HNRNPD: variants seen among roughly 807,000 people sequenced by gnomAD.
HNRNPD encodes heterogeneous nuclear ribonucleoprotein D, also known as heterogeneous nuclear ribonucleoprotein D0.
Under a neutral mutation model 47.9 loss-of-function variants are expected in HNRNPD, and 3 were observed. The observed-to-expected ratio is 0.06, with a 90% CI of 0.03 to 0.16. The LOEUF (loss-of-function observed/expected upper bound fraction) is 0.16, where lower values mean the gene tolerates loss of function less well. HNRNPD is among the 10% of genes least tolerant of loss of function. The pLI is 1.00. For missense variants in HNRNPD, 287 were observed against 454.2 expected, an observed-to-expected ratio of 0.63 and a Z score of 3.35; for synonymous variants, 171 against 165.1, an observed-to-expected ratio of 1.04 and a Z score of -0.28.
Position 82,353,374 on chromosome 4 carries a change from T to A in HNRNPD, c.*811A>T, listed in dbSNP as rs1560431706. 6.6e-6 allele frequency: 1 copy of A among 152,330 alleles called. No homozygotes were observed. The highest frequency in any genetic ancestry group is 6.5e-5 in the Admixed American group (1 of 15,300). The allele number at this position is 152,330 out of a possible 1,614,324, so 9.4% of individuals were successfully genotyped here. On this transcript the variant is annotated 3_prime_UTR_variant, in exon 9 of 9. Transcript: ENST00000313899. ...AATCCTCCCTCAACACTTGAATTCA[T>A]CTATGAAGTCCACCACAGCTCTAAA...
At chr4:82,355,203 G>T in intron 8 of HNRNPD, 101 bp downstream of exon 8, 1 of 705,800 alleles carries the variant, frequency 1.4e-6, no homozygotes. Context: ...AAGCACTTCT[G>T]GGTGCTGTGA....
chr4:82,367,044 T>C lies in HNRNPD; in HGVS notation c.290+4484A>G, dbSNP rs1204982842. Reference sequence around the variant, plus strand: ...CACTAGCCTTTTTTTTTTTTTTTTTTTTAAAGAAACAGGGGTCATATTATG... The same window carrying C: ...CACTAGCCTTTTTTTTTTTTTTTTTCTTAAAGAAACAGGGGTCATATTATG... On this transcript the variant is annotated intron_variant, in intron 2 of 8. Coordinates refer to ENST00000313899, the MANE Select transcript of HNRNPD (RefSeq NM_031370.3). Among the ~76,000 whole-genome samples, 3 of 141,818 alleles carry C rather than the reference T, an allele frequency of 2.1e-5. No individual in the cohort carries two copies. In the East Asian group the frequency reaches 5.9e-4, roughly 28 times the overall value. 93.0% of individuals were successfully genotyped at this position (141,818 alleles called of 152,430 possible).
At chr4:82,368,728 A>C (rs1251881695) in intron 2 of HNRNPD, among the ~76,000 whole-genome samples, 6 of 152,248 alleles carry the variant, frequency 3.9e-5, no homozygotes, top group African/African-American at 1.4e-4. Context: ...AAAGGCCAGT[A>C]AATTTGGCAT....
intron 1 of HNRNPD, among the ~76,000 whole-genome samples, chr4:82,372,138 A>G (rs1309873805): frequency 6.6e-6 from 1 of 151,744 alleles, no homozygotes; most frequent in Non-Finnish European, 1.5e-5. Flanking sequence ...TTCTCTTTAC[A>G]GTTAAAAAAA....
chr4:82,372,648 G>C (rs1360912721), intron 1 of HNRNPD, among the ~76,000 whole-genome samples: 1 of 152,182 alleles, frequency 6.6e-6, no homozygotes, highest in Non-Finnish European at 1.5e-5. Context: ...AACTCAGTGG[G>C]GTGGGGGAAG....
At chr4:82,364,831 T>C (rs762818177) in intron 2 of HNRNPD, among the ~76,000 whole-genome samples, 2 of 152,046 alleles carry the variant, frequency 1.3e-5, no homozygotes, top group African/African-American at 2.4e-5. Context: ...TGGTGGAAAA[T>C]GTTCCGATTT....
chr4:82,356,837 G>C lies in HNRNPD; in HGVS notation c.812C>G (p.Ser271Cys), dbSNP rs1316611998. Residue 271 changes from serine (S) to cysteine (C), a missense_variant, in exon 6 of 9, where the codon TCT (serine) becomes TGT (cysteine). Transcript: ENST00000313899. ...EQYQQQQQWG[S>C]RGGFAGRARG... ...AGCTCTTCCTGCAAATCCTCCTCTA[G>C]ATCCCCACTGTTGCTGTTGCTGATA... The C allele has an allele frequency of 1.2e-6, 2 of 1,613,980 alleles. No individual in the cohort carries two copies. The highest frequency in any genetic ancestry group is 2.7e-5 in the African/African-American group (2 of 74,918).
intron 2 of HNRNPD, among the ~76,000 whole-genome samples, chr4:82,366,841 G>A (rs1328018124): frequency 6.6e-6 from 1 of 152,070 alleles, no homozygotes; most frequent in Non-Finnish European, 1.5e-5. Flanking sequence ...GATTACAGGT[G>A]TGAGCCACTA....
rs770253877 is a variant in HNRNPD, at chr4:82,356,551, T to C, written c.986A>G (p.Tyr329Cys). 6.2e-7 allele frequency: 1 copy of C among 1,608,156 alleles called. No individual in the cohort carries two copies. Residue 329 changes from tyrosine (Y) to cysteine (C), a missense_variant, in exon 7 of 9, where the codon TAT (tyrosine) becomes TGT (cysteine). Around this residue, in one of 5 missense-constraint regions of HNRNPD, gnomAD observed 65 missense variants for 107.1 expected, o/e 0.61. Transcript: ENST00000313899. ...DYTGYNNYYGYGDYSNQQSGY... is the reference protein window; with the variant it reads ...DYTGYNNYYGCGDYSNQQSGY... ...ATAGTACTTACTGCTATAATCACCA[T>C]ATCCATAGTAGTTGTTGTAACCAGT...
intron 1 of HNRNPD, among the ~76,000 whole-genome samples, chr4:82,372,365 G>A (rs536417721): frequency 2.6e-5 from 4 of 152,140 alleles, no homozygotes; most frequent in East Asian, 1.9e-4. Flanking sequence ...TCAATTGGAG[G>A]AAGCAAGTTA....
rs891342161 is a variant in HNRNPD, at chr4:82,352,925, A to G, written c.*1260T>C. ...CATCACTTCACTACTATAGAACTGT[A>G]TAATAATACATTTCTCATTTGTTAC... On this transcript the variant is annotated 3_prime_UTR_variant, in exon 9 of 9. Transcript: ENST00000313899. The G allele has an allele frequency of 6.6e-6, 1 of 152,350 alleles. No homozygotes were observed. Among genetic ancestry groups the G allele is most frequent in the South Asian group, 2.1e-4 (1 of 4,826 alleles). The allele number at this position is 152,350 out of a possible 1,614,324, so 9.4% of individuals were successfully genotyped here.
rs1053386869 is a variant in HNRNPD at position 82,373,966 on chromosome 4, G to A, written c.-288C>T. 12 of 656,150 alleles carry A rather than the reference G, an allele frequency of 1.8e-5. No individual in the cohort carries two copies. Among genetic ancestry groups the A allele is most frequent in the African/African-American group, 1.9e-5 (1 of 51,722 alleles). 40.6% of individuals were successfully genotyped at this position (656,150 alleles called of 1,614,324 possible). On this transcript the variant is annotated 5_prime_UTR_variant, in exon 1 of 9. Coordinates refer to ENST00000313899, the MANE Select transcript of HNRNPD (RefSeq NM_031370.3). ...GCCTCCTCCTCGCTTTAATGGCGCC[G>A]CCGCGGACCACCTAAAATGGCCGAC... is the stretch of plus-strand genomic sequence containing the variant.
At chr4:82,367,062 A>G (rs1025644387) in intron 2 of HNRNPD, among the ~76,000 whole-genome samples, 1 of 143,766 alleles carries the variant, frequency 7.0e-6, no homozygotes, top group Non-Finnish European at 1.5e-5. Context: ...AACAGGGGTC[A>G]TATTATGTTG....
At chr4:82,365,569 C>T (rs1719708441) in intron 2 of HNRNPD, among the ~76,000 whole-genome samples, 1 of 151,942 alleles carries the variant, frequency 6.6e-6, no homozygotes, top group Non-Finnish European at 1.5e-5. Context: ...AGTTCAAATA[C>T]TAACCAGCCT....
chr4:82,355,225 T>G (rs1165782260), intron 8 of HNRNPD, 79 bp downstream of exon 8: 1 of 797,058 alleles, frequency 1.3e-6, no homozygotes, highest in African/African-American at 1.8e-5. Context: ...ACTCTTAAAT[T>G]AAGCATTGTT....
At chr4:82,366,139 G>A (rs1464974472) in intron 2 of HNRNPD, among the ~76,000 whole-genome samples, 1 of 152,076 alleles carries the variant, frequency 6.6e-6, no homozygotes, top group Non-Finnish European at 1.5e-5. Flanking sequence ...CATTTTCAGA[G>A]ACTTCTCTGT....
rs1389946090 is a variant in HNRNPD at position 82,373,895 on chromosome 4, C to G, written c.-217G>C. The G allele has an allele frequency of 1.8e-6, 2 of 1,101,538 alleles. No homozygotes were observed. The highest frequency in any genetic ancestry group is 2.4e-6 in the Non-Finnish European group (2 of 816,822). 68.2% of individuals were successfully genotyped at this position (1,101,538 alleles called of 1,614,324 possible). A position where few individuals can be genotyped will look rare whatever the true frequency, so the allele number is the denominator to read the frequency against. On this transcript the variant is annotated 5_prime_UTR_variant, in exon 1 of 9. Coordinates refer to ENST00000313899, the MANE Select transcript of HNRNPD (RefSeq NM_031370.3). ...CTCGCGCGGCGCACACTCCCGCTCTCTCCCGCTGCACTAAAAAAGAATAAG... is the reference window on the plus strand; with the variant it reads ...CTCGCGCGGCGCACACTCCCGCTCTGTCCCGCTGCACTAAAAAAGAATAAG...
At position 82,373,709 on chromosome 4, in the gene HNRNPD, A is replaced by C; in HGVS notation, c.-31T>G. On this transcript the variant is annotated 5_prime_UTR_variant, in exon 1 of 9. Transcript: ENST00000313899. ...TAGTGTCTCCGCCGCTGCCGCCGAGACTACACCCGCCGCTGCCGCGAACCG... is the reference window on the plus strand; with the variant it reads ...TAGTGTCTCCGCCGCTGCCGCCGAGCCTACACCCGCCGCTGCCGCGAACCG... 1 of 1,475,812 alleles carries C rather than the reference A, an allele frequency of 6.8e-7. No individual in the cohort carries two copies. The highest frequency in any genetic ancestry group is 2.4e-4 in the Middle Eastern group (1 of 4,168). The allele number at this position is 1,475,812 out of a possible 1,614,324, so 91.4% of individuals were successfully genotyped here.
In HNRNPD at chr4:82,363,065, T is replaced by C. The variant is rs539642892; in HGVS notation, c.291-3426A>G. ...GTGTGTGTGTATATATATATATATA[T>C]ACATTTACAAATACTTATTTTTTTC... On this transcript the variant is annotated intron_variant, in intron 2 of 8. Transcript: ENST00000313899. 1.1e-3 allele frequency among the ~76,000 whole-genome samples: 164 copies of C among 150,636 alleles called. 2 individuals are homozygous for C. Among genetic ancestry groups the C allele is most frequent in the South Asian group, 6.7e-3 (32 of 4,792 alleles).
Sources: allele counts gnomAD v4.1 joint callset (sites outside exome capture counted in the v4.1 genomes callset), GRCh38; gene constraint gnomAD v4.1.1; regional missense constraint gnomAD v4.1.1; transcripts MANE v1.5; gene names NCBI Gene and HGNC (gene_info 2026-07-23, HGNC 2026-07-21).